The following GPAM variants were observed in gnomAD, a reference collection of about 807,000 sequenced individuals.
The protein encoded by GPAM is glycerol-3-phosphate acyltransferase, mitochondrial.
Under a neutral mutation model 105.0 loss-of-function variants are expected in GPAM, and 56 were observed. That is an observed-to-expected ratio of 0.53 (90% CI 0.43 to 0.67). GPAM has a LOEUF of 0.67. Among genes scored for constraint, GPAM ranks in the 30% least tolerant of loss-of-function variants. GPAM has a pLI of 0.00. For missense variants in GPAM, 855 were observed against 989.8 expected (o/e 0.86, Z 1.83); for synonymous variants, 368 against 354.4 (o/e 1.04, Z -0.43).
chr10:112,183,672 A>G (rs1847549725), intron 1 of GPAM, 21 bp downstream of exon 1: 1 of 152,830 alleles, frequency 6.5e-6, no homozygotes, highest in Admixed American at 6.5e-5. Flanking sequence ...CGCAGCCCAC[A>G]CCTGCCCTGG....
At chr10:112,160,990 G>C in intron 15 of GPAM, 122 bp from the exon 16 acceptor site, 2 of 796,902 alleles carry the variant, frequency 2.5e-6, no homozygotes, top group Non-Finnish European at 4.2e-6. Context: ...CTAGCACATA[G>C]AGAAGTAGGG....
At chr10:112,198,991 C>T (rs909145728) in intron 1 of GPAM, among the ~76,000 whole-genome samples, 9 of 151,574 alleles carry the variant, frequency 5.9e-5, no homozygotes, top group South Asian at 2.1e-4. Context: ...GGCACCATCT[C>T]GGCTCACTGC....
At chr10:112,195,334 C>T (rs543525683) in intron 1 of GPAM, among the ~76,000 whole-genome samples, 2 of 152,140 alleles carry the variant, frequency 1.3e-5, no homozygotes, top group East Asian at 1.9e-4. Flanking sequence ...TAGCTCAGTC[C>T]GCCCTTGCTA....
chr10:112,152,529 G>C lies in GPAM; in HGVS notation c.*1021C>G. ...CACGGCACAACTCGAGTGGGTACCA[G>C]TCACCTGGACTGGGGTGCAGTACAC... is the stretch of plus-strand genomic sequence containing the variant. On this transcript the variant is annotated 3_prime_UTR_variant, in exon 22 of 22. Coordinates refer to ENST00000348367, the MANE Select transcript of GPAM (RefSeq NM_001244949.2). The C allele has an allele frequency of 1.0e-6, 1 of 985,336 alleles. No individual in the cohort carries two copies. Among genetic ancestry groups the C allele is most frequent in the Non-Finnish European group, 1.2e-6 (1 of 829,844 alleles). The allele number at this position is 985,336 out of a possible 1,614,324, so 61.0% of individuals were successfully genotyped here.
intron 1 of GPAM, among the ~76,000 whole-genome samples, chr10:112,206,832 T>TA (rs1564691219): frequency 0.014 from 1,901 of 136,506 alleles, 44 homozygotes; most frequent in African/African-American, 0.06. Flanking sequence ...AAAAAAAAAT[T>TA]TAAAAAAAAA....
intron 1 of GPAM, among the ~76,000 whole-genome samples, chr10:112,189,243 T>G (rs1417372410): frequency 3.9e-5 from 6 of 152,208 alleles, no homozygotes; most frequent in African/African-American, 1.4e-4. Flanking sequence ...ATGACCTACT[T>G]TTCTTTGGGC....
chr10:112,199,470 T>C (rs1455478502), intron 1 of GPAM, among the ~76,000 whole-genome samples: 1 of 152,126 alleles, frequency 6.6e-6, no homozygotes, highest in Non-Finnish European at 1.5e-5. Context: ...GGAGATCTCT[T>C]GTACAGCATA....
upstream of GPAM, among the ~76,000 whole-genome samples, chr10:112,218,054 C>A (rs1022512192): frequency 2.7e-4 from 41 of 152,212 alleles, no homozygotes; most frequent in African/African-American, 9.2e-4. Context: ...TACCAAAAGG[C>A]ACAGAGCTAG....
chr10:112,199,517 G>A (rs1215094602), intron 1 of GPAM, among the ~76,000 whole-genome samples: 2 of 152,150 alleles, frequency 1.3e-5, no homozygotes, highest in African/African-American at 2.4e-5. Context: ...CTTGCAAATT[G>A]TTAAGAGAAT....
intron 12 of GPAM, among the ~76,000 whole-genome samples, chr10:112,165,686 C>T (rs1392689443): frequency 6.6e-6 from 1 of 151,910 alleles, no homozygotes; most frequent in African/African-American, 2.4e-5. Flanking sequence ...ACATGAAACT[C>T]CGTCTCAAAA....
chr10:112,225,686 G>T, the GPAM span, among the ~76,000 whole-genome samples: 59 of 151,878 alleles, frequency 3.9e-4, no homozygotes, highest in African/African-American at 1.0e-3. Context: ...GCTTCCCCTC[G>T]ACTCCCCACC....
chr10:112,159,019 A>G (rs1847071675), intron 17 of GPAM, among the ~76,000 whole-genome samples: 1 of 152,148 alleles, frequency 6.6e-6, no homozygotes, highest in Admixed American at 6.5e-5. Context: ...CATTCATACA[A>G]AAGAAAATAT....
Position 112,158,359 on chromosome 10 carries a change from G to T in GPAM, c.1937C>A (p.Thr646Lys). Reference protein sequence around the residue: ...CQTFYQVCHETVGKFIQYGIL... With the variant: ...CQTFYQVCHEKVGKFIQYGIL... ...GCCATACTGGATAAACTTTCCTACT[G>T]TTTCATGGCAGACTTGGTAAAATGT... The change falls in exon 18 of 22, where the codon ACA (threonine) becomes AAA (lysine). Residue 646 changes from threonine to lysine, a missense_variant. Transcript: ENST00000348367. The T allele has an allele frequency of 3.1e-6, 5 of 1,606,078 alleles. No individual in the cohort carries two copies. Among genetic ancestry groups the T allele is most frequent in the Non-Finnish European group, 4.3e-6 (5 of 1,172,554 alleles).
intron 11 of GPAM, 64 bp from the exon 12 acceptor site, chr10:112,166,579 T>C: frequency 1.1e-6 from 1 of 880,996 alleles, no homozygotes. Flanking sequence ...AAACATTCTA[T>C]TATCCACAGA....
Position 112,180,609 on chromosome 10 carries a change from A to G in GPAM, c.103-14T>C, listed in dbSNP as rs1847491679. ...GCCACACTCACCCTGACAAATATTA[A>G]GAAAAAAATATAGTTTCTAAATGGC... is the stretch of plus-strand genomic sequence containing the variant. On this transcript the variant is annotated splice_polypyrimidine_tract_variant and intron_variant, in intron 3 of 21. Transcript: ENST00000348367. 2 of 1,602,538 alleles carry G rather than the reference A, an allele frequency of 1.2e-6. No individual in the cohort carries two copies. Among genetic ancestry groups the G allele is most frequent in the Admixed American group, 3.3e-5 (2 of 59,986 alleles).
intron 20 of GPAM, chr10:112,155,358 A>C (rs1846997693): frequency 1.7e-5 from 3 of 173,066 alleles, no homozygotes; most frequent in South Asian, 2.7e-4. Flanking sequence ...TTGTGGGAGT[A>C]CAAGTAGGTA....
At chr10:112,201,365 A>T (rs777303489) in intron 1 of GPAM, among the ~76,000 whole-genome samples, 3 of 152,190 alleles carry the variant, frequency 2.0e-5, no homozygotes, top group Non-Finnish European at 4.4e-5. Context: ...CTGCTCTTTC[A>T]TGGTCTCAGC....
chr10:112,159,650 T>C (rs1847086107), intron 17 of GPAM, among the ~76,000 whole-genome samples: 2 of 152,336 alleles, frequency 1.3e-5, no homozygotes, highest in African/African-American at 4.8e-5. Flanking sequence ...TCACTAGCTT[T>C]GGATGTGACT....
At chr10:112,217,598 A>T (rs1847984361), upstream of GPAM, among the ~76,000 whole-genome samples, 1 of 152,252 alleles carries the variant, frequency 6.6e-6, no homozygotes, top group Non-Finnish European at 1.5e-5. Context: ...CTCTCCCGCC[A>T]GAAGTTATGA....
Sources: allele counts gnomAD v4.1 joint callset (sites outside exome capture counted in the v4.1 genomes callset), GRCh38; gene constraint gnomAD v4.1.1; transcripts MANE v1.5; gene names NCBI Gene and HGNC (gene_info 2026-07-23, HGNC 2026-07-21).